The following CHMP5 variants were observed in gnomAD, a reference collection of about 807,000 sequenced individuals.
CHMP5 encodes SNF7 domain containing 2.
In CHMP5, 17 loss-of-function variants were observed where a neutral mutation model predicts 33.0. The ratio of observed to expected loss-of-function variants is 0.52; its 90% CI spans 0.35 to 0.77. The LOEUF (loss-of-function observed/expected upper bound fraction) is 0.77. CHMP5 is among the 30% of genes least tolerant of loss of function. The pLI is 0.01. For missense variants in CHMP5, 216 were observed against 261.5 expected (o/e 0.83, Z 1.20); for synonymous variants, 76 against 90.2 (o/e 0.84, Z 0.89).
intron 5 of CHMP5, among the ~76,000 whole-genome samples, 153 bp downstream of exon 5, chr9:33,271,376 TCA>T (rs1402451216): frequency 6.6e-6 from 1 of 152,198 alleles, no homozygotes; most frequent in African/African-American, 2.4e-5. Flanking sequence ...ACCAAATGTC[TCA>T]GTTTCCTCAG....
At chr9:33,273,576 T>C (rs1820819864) in intron 5 of CHMP5, among the ~76,000 whole-genome samples, 1 of 152,216 alleles carries the variant, frequency 6.6e-6, no homozygotes, top group African/African-American at 2.4e-5. Context: ...CAGATTTATT[T>C]TCCTAAAATG....
Position 33,270,774 on chromosome 9 carries a change from G to T in CHMP5, c.315+58G>T. The T allele has an allele frequency of 4.2e-6, 6 of 1,412,098 alleles. No individual in the cohort carries two copies. The East Asian group carries it at 1.1e-4, about 27-fold the overall frequency. The allele number at this position is 1,412,098 out of a possible 1,614,324, so 87.5% of individuals were successfully genotyped here. A position where few individuals can be genotyped will look rare whatever the true frequency, so the allele number is the denominator to read the frequency against. On this transcript the variant is annotated intron_variant, in intron 4 of 7. Transcript: ENST00000223500. Reference sequence around the variant, plus strand: ...TGTATTTATTCTTATTCTCTTTTCCGATGGCTTTTTAAAGACAGTTTAACC... The same window carrying T: ...TGTATTTATTCTTATTCTCTTTTCCTATGGCTTTTTAAAGACAGTTTAACC...
chr9:33,279,039 T>A (rs1820888569), intron 7 of CHMP5, among the ~76,000 whole-genome samples: 2 of 152,124 alleles, frequency 1.3e-5, no homozygotes, highest in Admixed American at 1.3e-4. Context: ...TCCTCGTGCC[T>A]CAGCCACCCC....
intron 5 of CHMP5, 22 bp from the exon 6 acceptor site, chr9:33,276,434 C>A: frequency 1.5e-6 from 2 of 1,314,610 alleles, no homozygotes; most frequent in Non-Finnish European, 2.2e-6. Context: ...GAGAGAAAAT[C>A]CTCTCATATA....
intron 5 of CHMP5, among the ~76,000 whole-genome samples, chr9:33,272,495 A>C (rs1383350173): frequency 1.3e-5 from 2 of 152,150 alleles, no homozygotes; most frequent in African/African-American, 4.8e-5. Flanking sequence ...TTCTCTCATA[A>C]AGCTGATCTT....
chr9:33,272,248 T>C (rs1820802690), intron 5 of CHMP5, among the ~76,000 whole-genome samples: 1 of 152,090 alleles, frequency 6.6e-6, no homozygotes, highest in Non-Finnish European at 1.5e-5. Context: ...TTTACCCCCC[T>C]GACTAGAATG....
At chr9:33,269,207 T>A (rs933741138) in intron 3 of CHMP5, among the ~76,000 whole-genome samples, 1 of 152,162 alleles carries the variant, frequency 6.6e-6, no homozygotes, top group African/African-American at 2.4e-5. Flanking sequence ...GGGTGCAAAA[T>A]TAATAAAACA....
intron 3 of CHMP5, among the ~76,000 whole-genome samples, chr9:33,269,694 G>T (rs1820770118): frequency 6.6e-6 from 1 of 152,130 alleles, no homozygotes; most frequent in East Asian, 1.9e-4. Context: ...TATGTAGCAG[G>T]CCGGGTGCGG....
At chr9:33,275,520 A>T (rs184768148) in intron 5 of CHMP5, among the ~76,000 whole-genome samples, 3 of 152,278 alleles carry the variant, frequency 2.0e-5, no homozygotes, top group Admixed American at 2.0e-4. Context: ...ACACAGTGTA[A>T]TCTGTCTTTC....
chr9:33,277,025 G>A (rs192065400), intron 6 of CHMP5, among the ~76,000 whole-genome samples: 69 of 151,682 alleles, frequency 4.5e-4, no homozygotes, highest in African/African-American at 1.6e-3. Context: ...GCGTCACCCC[G>A]TCTCTATAAA....
intron 6 of CHMP5, 72 bp downstream of exon 6, chr9:33,276,636 C>A: frequency 1.3e-6 from 1 of 788,358 alleles, no homozygotes; most frequent in South Asian, 1.6e-5. Context: ...GACCTTTTCT[C>A]AAATGCTAGT....
chr9:33,267,858 G>A lies in CHMP5; in HGVS notation c.180G>A (p.Met60Ile). Residue 60 changes from methionine (M) to isoleucine (I), a missense_variant, in exon 3 of 8, where the codon ATG becomes ATA. Transcript: ENST00000223500. ...AAATCTGTTTTTCTCTCCAGAATAT[G>A]GTCAAGCAGAAAGCCTTGCGAGTTT... The part of the protein sequence containing the change: ...KKMREGPAKN[M>I]VKQKALRVLK... The A allele has an allele frequency of 6.2e-7, 1 of 1,608,452 alleles. No individual in the cohort carries two copies. The highest frequency in any genetic ancestry group is 8.5e-7 in the Non-Finnish European group (1 of 1,175,072).
At chr9:33,266,520 C>T (rs1820727688) in intron 2 of CHMP5, among the ~76,000 whole-genome samples, 1 of 152,148 alleles carries the variant, frequency 6.6e-6, no homozygotes, top group East Asian at 1.9e-4. Context: ...AGCATCCCTA[C>T]AGAAGAGATG....
chr9:33,274,836 G>C (rs548993676), intron 5 of CHMP5, among the ~76,000 whole-genome samples: 1 of 152,080 alleles, frequency 6.6e-6, no homozygotes, highest in Non-Finnish European at 1.5e-5. Flanking sequence ...GACTGGTTGC[G>C]AACTCCTGAG....
chr9:33,268,260 T>A (rs370624325), intron 3 of CHMP5, among the ~76,000 whole-genome samples: 2 of 152,284 alleles, frequency 1.3e-5, no homozygotes, highest in Non-Finnish European at 2.9e-5. Flanking sequence ...TGTTTTGGAC[T>A]GACCAGATCT....
rs1489990946 is a variant in CHMP5, at chr9:33,273,151, TA to T, written c.387+1929del. Among the ~76,000 whole-genome samples the T allele has an allele frequency of 2.0e-4, 31 of 152,208 alleles. No individual in the cohort carries two copies. In the Middle Eastern group the frequency reaches 0.017, roughly 84 times the overall value. On this transcript the variant is annotated intron_variant, in intron 5 of 7. Coordinates refer to ENST00000223500, the MANE Select transcript of CHMP5 (RefSeq NM_016410.6). Reference sequence around the variant, plus strand: ...CACCCAGCTAATTTTTGTATTTTTTTAGTAGAGATGGGGTTTCGCCATGTTG... The same window carrying T: ...CACCCAGCTAATTTTTGTATTTTTTTGTAGAGATGGGGTTTCGCCATGTTG...
intron 3 of CHMP5, 102 bp from the exon 4 acceptor site, chr9:33,270,521 G>A (rs1489465602): frequency 3.0e-5 from 29 of 969,304 alleles, no homozygotes; most frequent in South Asian, 4.7e-5. Context: ...TTTTTGTTCC[G>A]TTGTTTTTTT....
chr9:33,266,154 G>C, intron 2 of CHMP5, 40 bp downstream of exon 2: 1 of 1,415,206 alleles, frequency 7.1e-7, no homozygotes. Context: ...TGCTGGCAGA[G>C]CCTAGTTTTA....
At chr9:33,272,681 G>A (rs1452754959) in intron 5 of CHMP5, among the ~76,000 whole-genome samples, 2 of 152,072 alleles carry the variant, frequency 1.3e-5, no homozygotes, top group East Asian at 1.9e-4. Context: ...GTGTGTGCCT[G>A]TAGTCCCAGC....
Sources: gnomAD v4.1 joint callset for allele counts (sites outside exome capture counted in the v4.1 genomes callset) on GRCh38, gnomAD v4.1.1 for gene constraint, MANE v1.5 for transcripts, NCBI Gene and HGNC (gene_info 2026-07-23, HGNC 2026-07-21) for gene names.